The following BMP6 variants were observed in gnomAD, a reference collection of about 807,000 sequenced individuals.
BMP6 encodes the protein bone morphogenetic protein 6, also known as VG-1-R.
In BMP6, 17 loss-of-function variants were observed where a neutral mutation model predicts 54.1. The ratio of observed to expected loss-of-function variants is 0.31; its 90% CI spans 0.22 to 0.47. BMP6 has a LOEUF of 0.47. Ranked by LOEUF, BMP6 falls within the 20% of genes least tolerant of loss-of-function variation. The pLI, the probability that BMP6 is intolerant of heterozygous loss-of-function variation, is 1.00. For missense variants in BMP6, 720 were observed against 690.4 expected, an observed-to-expected ratio of 1.04 and a Z score of -0.48; for synonymous variants, 328 against 291.2, an observed-to-expected ratio of 1.13 and a Z score of -1.28.
rs927354070 is a variant in BMP6, at chr6:7,731,298, T to C, written c.664+3679T>C. On this transcript the variant is annotated intron_variant, in intron 1 of 6. Transcript: ENST00000283147. ...CTAGTCAGCATCCCTGCCAATTTGGTGACCTTGGAGAGGTATCCTTCAGGT... is the reference window on the plus strand; with the variant it reads ...CTAGTCAGCATCCCTGCCAATTTGGCGACCTTGGAGAGGTATCCTTCAGGT... 1.2e-4 allele frequency among the ~76,000 whole-genome samples: 19 copies of C among 152,332 alleles called. 1 individual carries two copies. The highest frequency in any genetic ancestry group is 1.2e-3 in the Admixed American group (19 of 15,310).
intron 1 of BMP6, among the ~76,000 whole-genome samples, chr6:7,813,561 T>A (rs898668514): frequency 6.9e-6 from 1 of 145,752 alleles, no homozygotes; most frequent in African/African-American, 2.5e-5. Flanking sequence ...GAGAATCATT[T>A]GAGCCCAGGA....
chr6:7,838,577 C>T (rs1355329718), intron 1 of BMP6, among the ~76,000 whole-genome samples: 2 of 152,210 alleles, frequency 1.3e-5, no homozygotes, highest in African/African-American at 2.4e-5. Context: ...ACTCCAACAT[C>T]AGACTGAAAG....
intron 1 of BMP6, among the ~76,000 whole-genome samples, chr6:7,736,331 A>G (rs1293645616): frequency 6.6e-6 from 1 of 152,196 alleles, no homozygotes. Context: ...ATGAACAAGA[A>G]TTATAGGAAT....
chr6:7,753,231 G>A (rs898160837), intron 1 of BMP6, among the ~76,000 whole-genome samples: 1 of 152,104 alleles, frequency 6.6e-6, no homozygotes, highest in Non-Finnish European at 1.5e-5. Flanking sequence ...AAGTGACTTC[G>A]CCCCAAGTCA....
At chr6:7,742,124 A>AT (rs1757275196) in intron 1 of BMP6, among the ~76,000 whole-genome samples, 1 of 152,246 alleles carries the variant, frequency 6.6e-6, no homozygotes, top group Non-Finnish European at 1.5e-5. Context: ...ATGCTTATTA[A>AT]GTTCTGTATG....
At chr6:7,867,042 G>A (rs1406707400) in intron 4 of BMP6, among the ~76,000 whole-genome samples, 1 of 152,076 alleles carries the variant, frequency 6.6e-6, no homozygotes, top group Non-Finnish European at 1.5e-5. Flanking sequence ...GGATAATTTT[G>A]TATTTTTTTA....
At chr6:7,860,395 A>T (rs1397288282) in intron 2 of BMP6, among the ~76,000 whole-genome samples, 2 of 152,128 alleles carry the variant, frequency 1.3e-5, no homozygotes, top group Non-Finnish European at 2.9e-5. Context: ...CCTCCCTGTC[A>T]TGGGAATCCC....
intron 1 of BMP6, among the ~76,000 whole-genome samples, chr6:7,808,774 T>C (rs886323660): frequency 1.3e-5 from 2 of 151,384 alleles, no homozygotes; most frequent in Non-Finnish European, 1.5e-5. Context: ...AATTAGCCAG[T>C]GTGGTGGCAT....
At chr6:7,862,653 G>C (rs1019770102) in intron 4 of BMP6, among the ~76,000 whole-genome samples, 155 bp downstream of exon 4, 2 of 152,228 alleles carry the variant, frequency 1.3e-5, no homozygotes, top group African/African-American at 4.8e-5. Flanking sequence ...TACAGTCGCA[G>C]AACATCTGCG....
chr6:7,727,994 G>A (rs911988679), intron 1 of BMP6, among the ~76,000 whole-genome samples: 14 of 152,132 alleles, frequency 9.2e-5, no homozygotes, highest in Non-Finnish European at 1.9e-4. Context: ...TCCAGCCCGA[G>A]TGTGGCCATC....
intron 1 of BMP6, among the ~76,000 whole-genome samples, chr6:7,785,695 T>TAAA (rs899508924): frequency 6.6e-6 from 1 of 151,902 alleles, no homozygotes; most frequent in Non-Finnish European, 1.5e-5. Context: ...TCTTTTGCCT[T>TAAA]AAAAAAAAGT....
At chr6:7,771,648 C>A (rs1757789619) in intron 1 of BMP6, among the ~76,000 whole-genome samples, 1 of 152,004 alleles carries the variant, frequency 6.6e-6, no homozygotes, top group African/African-American at 2.4e-5. Flanking sequence ...GGCCTCTCAG[C>A]AGCATTCTAC....
intron 1 of BMP6, among the ~76,000 whole-genome samples, chr6:7,730,609 A>G (rs545391520): frequency 1.2e-3 from 185 of 152,342 alleles, no homozygotes; most frequent in Non-Finnish European, 2.3e-3. Context: ...AGCAATAGGA[A>G]AGGGGTATTT....
intron 1 of BMP6, among the ~76,000 whole-genome samples, chr6:7,748,822 C>A (rs1162536863): frequency 6.6e-6 from 1 of 152,188 alleles, no homozygotes; most frequent in Non-Finnish European, 1.5e-5. Context: ...TTCCATAGTC[C>A]TCTAATGCTC....
intron 1 of BMP6, among the ~76,000 whole-genome samples, chr6:7,794,867 G>T (rs9392924): frequency 1.3e-5 from 2 of 151,742 alleles, no homozygotes; most frequent in Admixed American, 6.6e-5. Context: ...CATGGAGGAA[G>T]GATCACTTTC....
chr6:7,844,344 G>GTT (rs34279744), intron 1 of BMP6, among the ~76,000 whole-genome samples: 110 of 145,220 alleles, frequency 7.6e-4, no homozygotes, highest in Admixed American at 1.2e-3. Flanking sequence ...TTTCCCCCCA[G>GTT]TTTTTTTTTT....
At chr6:7,815,394 A>T (rs1426719948) in intron 1 of BMP6, among the ~76,000 whole-genome samples, 1 of 152,268 alleles carries the variant, frequency 6.6e-6, no homozygotes, top group Admixed American at 6.5e-5. Flanking sequence ...AGCTTTAAGA[A>T]TTGGAGCAAG....
chr6:7,845,742 C>T (rs1561790144), intron 2 of BMP6, among the ~76,000 whole-genome samples: 1 of 151,336 alleles, frequency 6.6e-6, no homozygotes, highest in Non-Finnish European at 1.5e-5. Flanking sequence ...TATTTGTGCA[C>T]ATAAGATACA....
intron 1 of BMP6, among the ~76,000 whole-genome samples, chr6:7,752,381 A>T (rs1351519606): frequency 2.0e-5 from 3 of 152,152 alleles, no homozygotes; most frequent in African/African-American, 7.2e-5. Context: ...GTTCCCTGAC[A>T]TATAAGGGGC....
Sources: allele counts gnomAD v4.1 joint callset (sites outside exome capture counted in the v4.1 genomes callset), GRCh38; gene constraint gnomAD v4.1.1; transcripts MANE v1.5; gene names NCBI Gene and HGNC (gene_info 2026-07-23, HGNC 2026-07-21).